PPM1E: variants seen among roughly 807,000 people sequenced by gnomAD.
PPM1E encodes the protein protein phosphatase 1E.
Under a neutral mutation model 65.9 loss-of-function variants are expected in PPM1E, and 20 were observed. The ratio of observed to expected loss-of-function variants is 0.30; its 90% CI spans 0.21 to 0.44. PPM1E has a LOEUF of 0.44. PPM1E is among the 20% of genes least tolerant of loss of function. The probability of loss-of-function intolerance (pLI) is 1.00; values close to 1 mark genes in which losing one functional copy is unlikely to be tolerated. For missense variants in PPM1E, 713 were observed against 953.1 expected (o/e 0.75, Z 3.32); for synonymous variants, 352 against 374.9 (o/e 0.94, Z 0.70).
chr17:58,885,618 A>G (rs149511919), intron 1 of PPM1E, among the ~76,000 whole-genome samples: 19 of 152,202 alleles, frequency 1.2e-4, no homozygotes, highest in African/African-American at 4.3e-4. Context: ...AAGACTTTCA[A>G]TTTCTCGCCT....
chr17:58,966,252 C>T (rs759162778), intron 3 of PPM1E: 20 of 365,038 alleles, frequency 5.5e-5, no homozygotes, highest in Middle Eastern at 3.8e-4. Context: ...TGGTAGCTCA[C>T]GCCTGTAATC....
intron 1 of PPM1E, among the ~76,000 whole-genome samples, chr17:58,759,909 G>GA (rs1392243888): frequency 6.6e-6 from 1 of 152,124 alleles, no homozygotes; most frequent in Non-Finnish European, 1.5e-5. Context: ...TATATAAATG[G>GA]AAAAATATAT....
At chr17:58,844,610 C>A (rs2050753489) in intron 1 of PPM1E, among the ~76,000 whole-genome samples, 1 of 152,142 alleles carries the variant, frequency 6.6e-6, no homozygotes, top group Non-Finnish European at 1.5e-5. Flanking sequence ...TTACCATCTC[C>A]CCACATGGGG....
chr17:58,838,719 C>T (rs1265453779), intron 1 of PPM1E, among the ~76,000 whole-genome samples: 1 of 152,156 alleles, frequency 6.6e-6, no homozygotes, highest in Non-Finnish European at 1.5e-5. Flanking sequence ...ACACAGAAAC[C>T]TGCAAAGGAA....
intron 1 of PPM1E, among the ~76,000 whole-genome samples, chr17:58,853,412 T>C (rs1204598779): frequency 6.6e-6 from 1 of 152,230 alleles, no homozygotes; most frequent in African/African-American, 2.4e-5. Context: ...AAAATCACTT[T>C]ACCATATATG....
intron 1 of PPM1E, among the ~76,000 whole-genome samples, chr17:58,817,703 A>G (rs1371139474): frequency 1.3e-5 from 2 of 151,778 alleles, no homozygotes; most frequent in Admixed American, 6.6e-5. Flanking sequence ...AAAACACTAG[A>G]TTTTCCTTAT....
chr17:58,860,307 CA>C (rs2050925937), intron 1 of PPM1E, among the ~76,000 whole-genome samples: 1 of 152,198 alleles, frequency 6.6e-6, no homozygotes, highest in Non-Finnish European at 1.5e-5. Flanking sequence ...ATTGGTGTCA[CA>C]CAGCCAATAT....
chr17:58,806,698 CTTTTTTT>C (rs57960498), intron 1 of PPM1E, among the ~76,000 whole-genome samples: 21,275 of 134,958 alleles, frequency 0.16, 2,396 homozygotes, highest in East Asian at 0.33. Context: ...GTTTTGTTTT[CTTTTTTT>C]TTTTTTTTTT....
At chr17:58,898,388 G>A (rs2051451662) in intron 1 of PPM1E, among the ~76,000 whole-genome samples, 1 of 152,132 alleles carries the variant, frequency 6.6e-6, no homozygotes. Context: ...CATTTATGCA[G>A]CCAACAGACA....
chr17:58,823,003 T>C (rs2050495889), intron 1 of PPM1E, among the ~76,000 whole-genome samples: 1 of 152,218 alleles, frequency 6.6e-6, no homozygotes, highest in Non-Finnish European at 1.5e-5. Context: ...AGCTGACTTA[T>C]ACGATGATTA....
intron 1 of PPM1E, among the ~76,000 whole-genome samples, chr17:58,805,995 CAAAACAAAAA>C (rs2050309963): frequency 1.4e-5 from 1 of 70,682 alleles, no homozygotes; most frequent in African/African-American, 6.3e-5. Context: ...CAAAACAAAA[CAAAACAAAAA>C]AAAAACTATA....
At chr17:58,947,090 A>C (rs558504202) in intron 1 of PPM1E, among the ~76,000 whole-genome samples, 1 of 148,260 alleles carries the variant, frequency 6.7e-6, no homozygotes, top group Non-Finnish European at 1.5e-5. Context: ...GTTAAACAGA[A>C]AGTTATTTTC....
intron 1 of PPM1E, among the ~76,000 whole-genome samples, chr17:58,866,910 G>A (rs2051011434): frequency 6.6e-6 from 1 of 152,186 alleles, no homozygotes; most frequent in African/African-American, 2.4e-5. Flanking sequence ...TATCAAAGAT[G>A]ACAAAAGGAA....
chr17:58,979,417 T>G (rs993648997), intron 6 of PPM1E, among the ~76,000 whole-genome samples: 2 of 152,164 alleles, frequency 1.3e-5, no homozygotes, highest in African/African-American at 4.8e-5. Context: ...TAGACTTGAT[T>G]TATAAAATCT....
chr17:58,860,203 C>T (rs893019464), intron 1 of PPM1E, among the ~76,000 whole-genome samples: 1 of 152,152 alleles, frequency 6.6e-6, no homozygotes, highest in African/African-American at 2.4e-5. Flanking sequence ...GGAAGATTTG[C>T]AGGCTTTGAA....
intron 1 of PPM1E, among the ~76,000 whole-genome samples, chr17:58,762,136 A>G (rs1185641910): frequency 6.6e-6 from 1 of 152,188 alleles, no homozygotes; most frequent in Non-Finnish European, 1.5e-5. Flanking sequence ...GAGTAAATAG[A>G]TTTATGGATT....
chr17:58,819,291 A>AC (rs1313054687), intron 1 of PPM1E, among the ~76,000 whole-genome samples: 23 of 152,088 alleles, frequency 1.5e-4, no homozygotes, highest in African/African-American at 5.6e-4. Context: ...GATTATAGGC[A>AC]CGCGCCACCA....
At chr17:58,908,977 A>G (rs1598643578) in intron 1 of PPM1E, among the ~76,000 whole-genome samples, 1 of 152,170 alleles carries the variant, frequency 6.6e-6, no homozygotes, top group Admixed American at 6.5e-5. Context: ...ATACATACAT[A>G]TGCATAATCA....
intron 1 of PPM1E, among the ~76,000 whole-genome samples, chr17:58,954,822 A>G (rs867047692): frequency 6.7e-6 from 1 of 149,996 alleles, no homozygotes; most frequent in East Asian, 2.0e-4. Context: ...AGAGATTGCA[A>G]TGAGCCAAGA....
Sources: gnomAD v4.1 joint callset for allele counts (sites outside exome capture counted in the v4.1 genomes callset) on GRCh38, gnomAD v4.1.1 for gene constraint, MANE v1.5 for transcripts, NCBI Gene and HGNC (gene_info 2026-07-23, HGNC 2026-07-21) for gene names.